The following PTPRD variants were observed in gnomAD, a reference collection of about 807,000 sequenced individuals.
PTPRD encodes protein tyrosine phosphatase receptor type D.
In PTPRD, 34 loss-of-function variants were observed where a neutral mutation model predicts 214.5. That is an observed-to-expected ratio of 0.16 (90% confidence interval 0.12 to 0.21). The LOEUF (loss-of-function observed/expected upper bound fraction) is 0.21, where lower values mean the gene tolerates loss of function less well. Among genes scored for constraint, PTPRD ranks in the 10% least tolerant of loss-of-function variants. The pLI is 1.00. For missense variants in PTPRD, 2,545 were observed against 2,398.7 expected (o/e 1.06, Z -1.27); for synonymous variants, 1,128 against 845.7 (o/e 1.33, Z -5.79).
chr9:9,104,475 T>A (rs1425008127), intron 10 of PTPRD, among the ~76,000 whole-genome samples: 5 of 152,162 alleles, frequency 3.3e-5, no homozygotes, highest in African/African-American at 1.2e-4. Context: ...CCATTCCTAC[T>A]CAGGTAGGTG....
chr9:10,600,596 C>T (rs1454024732), intron 2 of PTPRD, among the ~76,000 whole-genome samples: 1 of 151,794 alleles, frequency 6.6e-6, no homozygotes, highest in East Asian at 1.9e-4. Flanking sequence ...CTAACCACTT[C>T]AGAGTTGGCA....
At chr9:10,074,063 T>A (rs2098086405) in intron 3 of PTPRD, among the ~76,000 whole-genome samples, 1 of 152,120 alleles carries the variant, frequency 6.6e-6, no homozygotes, top group Non-Finnish European at 1.5e-5. Flanking sequence ...AAACATTACC[T>A]TGTGTAAGCT....
intron 3 of PTPRD, among the ~76,000 whole-genome samples, chr9:10,194,066 C>T (rs925063432): frequency 1.3e-5 from 2 of 151,884 alleles, no homozygotes; most frequent in African/African-American, 2.4e-5. Context: ...CACCCAAATA[C>T]GTACTCAGTA....
At chr9:9,485,559 G>C (rs2147312631) in intron 8 of PTPRD, among the ~76,000 whole-genome samples, 1 of 152,016 alleles carries the variant, frequency 6.6e-6, no homozygotes, top group African/African-American at 2.4e-5. Flanking sequence ...AACTTCCTTA[G>C]TTGCTTAGTA....
At position 9,631,899 on chromosome 9, in the gene PTPRD, G is replaced by A. The variant is rs144728771; in HGVS notation, c.-286-57118C>T. Reference sequence around the variant, plus strand: ...AATTGGAAAAGATAAATCATTACATGTCAATAAAGAATTAGTGCTGATACT... The same window carrying A: ...AATTGGAAAAGATAAATCATTACATATCAATAAAGAATTAGTGCTGATACT... On this transcript the variant is annotated intron_variant, in intron 7 of 45. Coordinates refer to ENST00000381196, the MANE Select transcript of PTPRD (RefSeq NM_002839.4). Among the ~76,000 whole-genome samples, 615 of 152,246 alleles carry A rather than the reference G, an allele frequency of 4.0e-3. 2 individuals are homozygous for A. Among genetic ancestry groups the A allele is most frequent in the Non-Finnish European group, 5.5e-3 (373 of 68,012 alleles).
intron 10 of PTPRD, among the ~76,000 whole-genome samples, chr9:9,057,955 G>A (rs1469210429): frequency 6.6e-6 from 1 of 151,930 alleles, no homozygotes; most frequent in Admixed American, 6.6e-5. Flanking sequence ...GAAATAAACA[G>A]CTTTTACTAT....
chr9:9,972,642 A>G (rs1326054330), intron 4 of PTPRD, among the ~76,000 whole-genome samples: 5 of 152,168 alleles, frequency 3.3e-5, no homozygotes, highest in East Asian at 1.9e-4. Flanking sequence ...TGGAAATCCA[A>G]TATCAACCTC....
At position 8,992,503 on chromosome 9, in the gene PTPRD, C is replaced by A. The variant is rs189142457; in HGVS notation, c.-104+26194G>T. Among the ~76,000 whole-genome samples the A allele has an allele frequency of 4.7e-3, 719 of 152,224 alleles. 5 individuals are homozygous for A. The highest frequency in any genetic ancestry group is 0.017 in the African/African-American group (692 of 41,552). ...CTCTAGAGAGAATGTCACTGTAAGA[C>A]CTTCGGCTATTCTATTTTACTTCTC... On this transcript the variant is annotated intron_variant, in intron 11 of 45. Transcript: ENST00000381196.
intron 5 of PTPRD, among the ~76,000 whole-genome samples, chr9:9,929,807 T>C (rs1398010083): frequency 6.7e-6 from 1 of 150,226 alleles, no homozygotes; most frequent in African/African-American, 2.4e-5. Flanking sequence ...AGCTATGTGA[T>C]GAATGTGGTC....
At chr9:9,702,388 G>A (rs1478595317) in intron 7 of PTPRD, among the ~76,000 whole-genome samples, 1 of 152,176 alleles carries the variant, frequency 6.6e-6, no homozygotes, top group Non-Finnish European at 1.5e-5. Flanking sequence ...ACCCAAAGAA[G>A]CATAGTTTCA....
chr9:10,166,799 A>G (rs959364036), intron 3 of PTPRD, among the ~76,000 whole-genome samples: 1 of 152,106 alleles, frequency 6.6e-6, no homozygotes, highest in African/African-American at 2.4e-5. Context: ...TTTCCACTAT[A>G]TCAGATGTTT....
At chr9:9,508,669 G>A (rs922385772) in intron 8 of PTPRD, among the ~76,000 whole-genome samples, 10 of 151,434 alleles carry the variant, frequency 6.6e-5, no homozygotes, top group Admixed American at 2.0e-4. Context: ...TCTTCTTTGA[G>A]CCTCAAAAGG....
chr9:9,802,122 T>C (rs1174734057), intron 5 of PTPRD, among the ~76,000 whole-genome samples: 2 of 152,050 alleles, frequency 1.3e-5, no homozygotes, highest in South Asian at 2.1e-4. Flanking sequence ...TTGTGTTTCA[T>C]CTCCTTGAAT....
chr9:9,470,402 A>G lies in PTPRD; in HGVS notation c.-236-72920T>C, dbSNP rs1333521423. On this transcript the variant is annotated intron_variant, in intron 8 of 45. Coordinates refer to ENST00000381196, the MANE Select transcript of PTPRD (RefSeq NM_002839.4). ...ATATTTTGTACAGTTTCAAAAGTCAATATCACATTAAAGAATAAATAATAT... is the reference window on the plus strand; with the variant it reads ...ATATTTTGTACAGTTTCAAAAGTCAGTATCACATTAAAGAATAAATAATAT... 3.3e-5 allele frequency among the ~76,000 whole-genome samples: 5 copies of G among 152,200 alleles called. No individual in the cohort carries two copies. The East Asian group carries it at 7.7e-4, about 23-fold the overall frequency.
intron 10 of PTPRD, among the ~76,000 whole-genome samples, chr9:9,083,063 T>C (rs1392869602): frequency 6.6e-6 from 1 of 152,124 alleles, no homozygotes; most frequent in Non-Finnish European, 1.5e-5. Context: ...TTAAATTTCA[T>C]ATGGAACCAG....
At chr9:8,751,225 A>C (rs577377848) in intron 11 of PTPRD, among the ~76,000 whole-genome samples, 90 of 152,244 alleles carry the variant, frequency 5.9e-4, no homozygotes, top group African/African-American at 2.0e-3. Context: ...GAGCAGTTTA[A>C]CACACTTTAG....
At chr9:10,342,305 T>A (rs904604820) in intron 2 of PTPRD, among the ~76,000 whole-genome samples, 10 of 152,062 alleles carry the variant, frequency 6.6e-5, no homozygotes, top group African/African-American at 2.2e-4. Flanking sequence ...GCATTTTTAA[T>A]CAAATAGAAT....
intron 7 of PTPRD, among the ~76,000 whole-genome samples, chr9:9,659,190 T>C (rs2096576977): frequency 6.6e-6 from 1 of 152,144 alleles, no homozygotes; most frequent in Non-Finnish European, 1.5e-5. Flanking sequence ...TATCACTTCA[T>C]GCTTCCTATG....
chr9:8,732,501 A>G (rs1435688945), intron 12 of PTPRD, among the ~76,000 whole-genome samples: 1 of 152,232 alleles, frequency 6.6e-6, no homozygotes, highest in Non-Finnish European at 1.5e-5. Flanking sequence ...TTTGACATAA[A>G]TGGCTTTAAA....
Sources: allele counts gnomAD v4.1 joint callset (sites outside exome capture counted in the v4.1 genomes callset), GRCh38; gene constraint gnomAD v4.1.1; transcripts MANE v1.5; gene names NCBI Gene and HGNC (gene_info 2026-07-23, HGNC 2026-07-21).